DLGAP4: variants seen among roughly 807,000 people sequenced by gnomAD.
DLGAP4 encodes the protein DLG associated protein 4.
A neutral mutation model predicts 86.9 loss-of-function variants in DLGAP4; 18 were observed. The observed-to-expected ratio is 0.21, with a 90% CI of 0.14 to 0.31. The LOEUF (loss-of-function observed/expected upper bound fraction) is 0.31, where lower values mean the gene tolerates loss of function less well. Ranked by LOEUF, DLGAP4 falls within the 10% of genes least tolerant of loss-of-function variation. The pLI is 1.00. For missense variants in DLGAP4, 1,085 were observed against 1,362.6 expected, an observed-to-expected ratio of 0.80 and a Z score of 3.21; for synonymous variants, 548 against 574.3, an observed-to-expected ratio of 0.95 and a Z score of 0.65.
At chr20:36,344,328 A>G (rs118089333) in intron 1 of DLGAP4, among the ~76,000 whole-genome samples, 4,281 of 152,236 alleles carry the variant, frequency 0.028, 87 homozygotes, top group Middle Eastern at 0.044. Flanking sequence ...GAAGCAGGTA[A>G]AATTCTTGGA....
At chr20:36,331,086 G>A (rs1057167079) in intron 1 of DLGAP4, among the ~76,000 whole-genome samples, 6 of 152,186 alleles carry the variant, frequency 3.9e-5, no homozygotes, top group Non-Finnish European at 8.8e-5. Flanking sequence ...CCCCCCTGGG[G>A]GCCTGTGGGG....
chr20:36,374,032 C>A (rs987191611), intron 2 of DLGAP4, among the ~76,000 whole-genome samples: 2,394 of 115,194 alleles, frequency 0.021, no homozygotes, highest in African/African-American at 0.022. Flanking sequence ...GAGACTGTCT[C>A]AAAAAAAAAA....
intron 2 of DLGAP4, among the ~76,000 whole-genome samples, chr20:36,411,141 C>T (rs1484811612): frequency 6.6e-6 from 1 of 152,218 alleles, no homozygotes; most frequent in East Asian, 1.9e-4. Flanking sequence ...AGGCATGCGC[C>T]ATCGCACCCA....
At position 36,439,858 on chromosome 20, in the gene DLGAP4, G is replaced by A. The variant is rs1336667179; in HGVS notation, c.1346G>A (p.Cys449Tyr). 1.9e-6 allele frequency: 3 copies of A among 1,613,062 alleles called. No homozygotes were observed. Among genetic ancestry groups the A allele is most frequent in the South Asian group, 1.1e-5 (1 of 91,032 alleles). Residue 449 changes from cysteine to tyrosine, a missense_variant, in exon 5 of 13, where the codon TGC becomes TAC. Physicochemically the swap from Cys to Tyr is radical, Grantham distance 194 (BLOSUM62 -2). Transcript: ENST00000339266. ...PVSDSLNDSSCISQIFGQASL... is the reference protein window; with the variant it reads ...PVSDSLNDSSYISQIFGQASL... ...AGCGACAGCCTCAACGACTCCAGCT[G>A]CATCAGCCAGGTGAGGGTGGCAGGG...
rs146991823 is a variant in DLGAP4, at chr20:36,522,150, A to T, written c.2513-2100A>T. Among the ~76,000 whole-genome samples, 24 of 151,640 alleles carry T rather than the reference A, an allele frequency of 1.6e-4. No homozygotes were observed. In the East Asian group the frequency reaches 4.7e-3, roughly 29 times the overall value. On this transcript the variant is annotated intron_variant, in intron 10 of 12. Transcript: ENST00000339266. The stretch of plus-strand genomic sequence containing the variant: ...CAGGAAAGCTCTTGCTGCAGTCCAC[A>T]CTCTTTCTTTTTTGTTTTTGAGACA...
intron 7 of DLGAP4, among the ~76,000 whole-genome samples, chr20:36,460,764 C>T (rs1410084413): frequency 7.2e-5 from 11 of 152,248 alleles, no homozygotes; most frequent in Admixed American, 7.2e-4. Flanking sequence ...CTACTGCCAA[C>T]CCGGCTCGAG....
In DLGAP4 at chr20:36,350,590, C is replaced by T. The variant is rs2030118540; in HGVS notation, c.-303-16455C>T. Among the ~76,000 whole-genome samples the T allele has an allele frequency of 6.6e-6, 1 of 152,194 alleles. No homozygotes were observed. Among genetic ancestry groups the T allele is most frequent in the Non-Finnish European group, 1.5e-5 (1 of 68,038 alleles). On this transcript the variant is annotated intron_variant, in intron 1 of 12. Transcript: ENST00000339266. The surrounding 1 kb of genome is among the most constrained non-coding windows in gnomAD (Gnocchi z 4.4). ...GTGAATCAGATGATACAATGGCTGACAAGGGCATGCCCTCTGTACCAGGGC... is the reference window on the plus strand; with the variant it reads ...GTGAATCAGATGATACAATGGCTGATAAGGGCATGCCCTCTGTACCAGGGC...
chr20:36,456,841 G>A (rs2033891451), intron 7 of DLGAP4, among the ~76,000 whole-genome samples: 1 of 152,232 alleles, frequency 6.6e-6, no homozygotes. Flanking sequence ...TCCCCTCAGG[G>A]GGTAGAGAAG....
intron 1 of DLGAP4, among the ~76,000 whole-genome samples, chr20:36,324,465 A>G (rs2065198144): frequency 6.6e-6 from 1 of 152,152 alleles, no homozygotes; most frequent in Non-Finnish European, 1.5e-5. Context: ...TAGCTCTTAC[A>G]TTTAGGTCTT....
intron 2 of DLGAP4, among the ~76,000 whole-genome samples, chr20:36,419,523 G>A (rs2032761872): frequency 6.6e-6 from 1 of 152,162 alleles, no homozygotes; most frequent in Non-Finnish European, 1.5e-5. Context: ...TAGGGGTCAG[G>A]AATCGGGTAA....
intron 1 of DLGAP4, among the ~76,000 whole-genome samples, chr20:36,324,150 G>A (rs782250601): frequency 6.6e-6 from 1 of 152,118 alleles, no homozygotes; most frequent in African/African-American, 2.4e-5. Context: ...AGTTCAGCTG[G>A]GCACGGTGGC....
At chr20:36,385,981 G>A (rs1569481273) in intron 2 of DLGAP4, among the ~76,000 whole-genome samples, 1 of 152,182 alleles carries the variant, frequency 6.6e-6, no homozygotes, top group African/African-American at 2.4e-5. Flanking sequence ...CCAAAGCCTG[G>A]CACTAAAGCA....
chr20:36,505,665 A>G (rs1371469824), intron 10 of DLGAP4, among the ~76,000 whole-genome samples: 2 of 152,132 alleles, frequency 1.3e-5, no homozygotes, highest in East Asian at 1.9e-4. Flanking sequence ...CATTCCAGCT[A>G]TTCGGGAGGC....
chr20:36,379,778 T>G (rs2425230), intron 2 of DLGAP4, among the ~76,000 whole-genome samples: 98,669 of 152,104 alleles, frequency 0.65, 32,159 homozygotes, highest in South Asian at 0.82. Flanking sequence ...TTGACCTCCC[T>G]CCCTAAGCCT....
At position 36,431,696 on chromosome 20, in the gene DLGAP4, C is replaced by A; in HGVS notation, c.-22C>A. On this transcript the variant is annotated 5_prime_UTR_variant, in exon 3 of 13. Transcript: ENST00000339266. This position sits in a 1 kb window ranked among gnomAD's most constrained non-coding sequence, Gnocchi z 5.1. ...CCCGGGCGCCCTGCTAGGGTGAAGG[C>A]CCCTGCCCTCGGCCCGGGATCATGA... 1.3e-6 allele frequency: 2 copies of A among 1,563,818 alleles called. No individual in the cohort carries two copies. Among genetic ancestry groups the A allele is most frequent in the South Asian group, 1.2e-5 (1 of 83,472 alleles).
chr20:36,458,290 C>A (rs891523776), intron 7 of DLGAP4, among the ~76,000 whole-genome samples: 2 of 149,398 alleles, frequency 1.3e-5, no homozygotes, highest in African/African-American at 4.9e-5. Context: ...GCAGGCAGAT[C>A]ACCTGAGGTC....
At chr20:36,458,464 T>TG (rs2033939369) in intron 7 of DLGAP4, among the ~76,000 whole-genome samples, 1 of 147,422 alleles carries the variant, frequency 6.8e-6, no homozygotes, top group Non-Finnish European at 1.5e-5. Context: ...TGACCTCAGG[T>TG]GATCCACCCG....
chr20:36,308,149 G>T lies in DLGAP4; in HGVS notation c.-304+1637G>T, dbSNP rs1314587273. ...GGGCTGGCTAGAGTGCCTGTCTCCC[G>T]CTGTGGCAGGGGTAGGCCAGGGATC... On this transcript the variant is annotated intron_variant, in intron 1 of 12. Transcript: ENST00000339266. The surrounding 1 kb of genome is among the most constrained non-coding windows in gnomAD (Gnocchi z 4.5). 2.0e-5 allele frequency among the ~76,000 whole-genome samples: 3 copies of T among 152,204 alleles called. No individual in the cohort carries two copies. The highest frequency in any genetic ancestry group is 7.2e-5 in the African/African-American group (3 of 41,458).
chr20:36,451,205 C>T (rs1303442178), intron 7 of DLGAP4, among the ~76,000 whole-genome samples: 5 of 152,180 alleles, frequency 3.3e-5, no homozygotes, highest in Admixed American at 6.6e-5. Context: ...CCTGTAACTT[C>T]GAGTGCCAAA....
Sources: allele counts gnomAD v4.1 joint callset (sites outside exome capture counted in the v4.1 genomes callset), GRCh38; gene constraint gnomAD v4.1.1; non-coding constraint Gnocchi (gnomAD v3.1); transcripts MANE v1.5; gene names NCBI Gene and HGNC (gene_info 2026-07-23, HGNC 2026-07-21).